The following GALK2 variants were observed in gnomAD, a reference collection of about 807,000 sequenced individuals.
The protein encoded by GALK2 is N-acetylgalactosamine kinase.
A neutral mutation model predicts 52.4 loss-of-function variants in GALK2; 36 were observed. That is an observed-to-expected ratio of 0.69 (90% CI 0.53 to 0.91). The LOEUF is 0.91. GALK2 is among the 40% of genes least tolerant of loss of function. The pLI is 0.00. For missense variants in GALK2, 579 were observed against 559.1 expected (o/e 1.04, Z -0.36); for synonymous variants, 176 against 199.1 (o/e 0.88, Z 0.98).
At chr15:49,315,620 A>G (rs887842906) in intron 8 of GALK2, among the ~76,000 whole-genome samples, 1 of 152,190 alleles carries the variant, frequency 6.6e-6, no homozygotes, top group Non-Finnish European at 1.5e-5. Flanking sequence ...TTATATCACA[A>G]TTGAAAACAG....
At chr15:49,267,100 G>A (rs1195002609) in intron 5 of GALK2, among the ~76,000 whole-genome samples, 1 of 152,170 alleles carries the variant, frequency 6.6e-6, no homozygotes, top group Non-Finnish European at 1.5e-5. Context: ...ACATGGCAAA[G>A]CAGGCTTTCT....
At chr15:49,290,103 T>C (rs1345137408) in intron 7 of GALK2, among the ~76,000 whole-genome samples, 1 of 152,248 alleles carries the variant, frequency 6.6e-6, no homozygotes, top group Non-Finnish European at 1.5e-5. Flanking sequence ...ATAGCCCTGC[T>C]TCACAAATGT....
chr15:49,357,934 T>C (rs1213564393), intron 3 of GALK2, among the ~76,000 whole-genome samples: 3 of 151,938 alleles, frequency 2.0e-5, no homozygotes, highest in Non-Finnish European at 2.9e-5. Flanking sequence ...TGGTTCAATA[T>C]ACACAAATCA....
intron 3 of GALK2, among the ~76,000 whole-genome samples, chr15:49,228,682 T>TATATATATATATATATATATAC (rs1555409030): frequency 2.1e-4 from 3 of 14,558 alleles, no homozygotes; most frequent in Admixed American, 6.4e-4. Context: ...TATATATATA[T>TATATATATATATATATATATAC]ATATATTTTT....
Position 49,329,431 on chromosome 15 carries a change from T to C in GALK2, c.*1272T>C, listed in dbSNP as rs1480258199. 1 of 983,114 alleles carries C rather than the reference T, an allele frequency of 1.0e-6. No individual in the cohort carries two copies. Among genetic ancestry groups the C allele is most frequent in the Non-Finnish European group, 1.2e-6 (1 of 827,928 alleles). 60.9% of individuals were successfully genotyped at this position (983,114 alleles called of 1,614,324 possible). On this transcript the variant is annotated 3_prime_UTR_variant, in exon 10 of 10. Coordinates refer to ENST00000560031, the MANE Select transcript of GALK2 (RefSeq NM_002044.4). ...TTATCCAAAAAAATATCAGAATTAC[T>C]TATTATTCTGTGATTTCATTAGCTC...
At chr15:49,319,529 A>AAC in intron 8 of GALK2, 75 bp from the exon 9 acceptor site, 1 of 1,226,182 alleles carries the variant, frequency 8.2e-7, no homozygotes, top group South Asian at 1.4e-5. Context: ...AAAGTCTTTA[A>AAC]AAGTGTATTT....
intron 7 of GALK2, among the ~76,000 whole-genome samples, chr15:49,287,637 T>A (rs2033506297): frequency 6.6e-6 from 1 of 152,198 alleles, no homozygotes; most frequent in Non-Finnish European, 1.5e-5. Context: ...AAAGCTTATC[T>A]CAATCTGACC....
rs2090632820 is a variant in GALK2, at chr15:49,233,701, G to A, written c.267-2150G>A. Among the ~76,000 whole-genome samples the A allele has an allele frequency of 2.6e-5, 4 of 152,202 alleles. No individual in the cohort carries two copies. In the South Asian group the frequency reaches 8.3e-4, roughly 31 times the overall value. On this transcript the variant is annotated intron_variant, in intron 3 of 9. Transcript: ENST00000560031. ...AGCAACATATTTTCAACTTCTGTGA[G>A]TGACAGTAGAGTAAAATTCTGATGA...
chr15:49,358,136 GA>G (rs2043506203), intron 3 of GALK2, among the ~76,000 whole-genome samples: 1 of 151,200 alleles, frequency 6.6e-6, no homozygotes, highest in Non-Finnish European at 1.5e-5. Context: ...ATATCATACT[GA>G]ATGGGCAAAA....
At chr15:49,242,801 G>A (rs1442018452) in intron 5 of GALK2, among the ~76,000 whole-genome samples, 1 of 152,126 alleles carries the variant, frequency 6.6e-6, no homozygotes, top group Non-Finnish European at 1.5e-5. Flanking sequence ...AAAATCTAGA[G>A]ACTTCTGATT....
At chr15:49,271,981 T>G (rs904100084) in intron 5 of GALK2, among the ~76,000 whole-genome samples, 5 of 152,226 alleles carry the variant, frequency 3.3e-5, no homozygotes, top group Non-Finnish European at 7.3e-5. Context: ...CTAGAACTTA[T>G]GGTCAACTTA....
At position 49,292,087 on chromosome 15, in the gene GALK2, C is replaced by CGTGT. The variant is rs367801724; in HGVS notation, c.757-227_757-224dup. ...GTGAGAGATTAGTTGTGTGTGTTTG[C>CGTGT]GTGTGTGTGTGTGTGTTTCAGGACA... On this transcript the variant is annotated intron_variant, in intron 7 of 9. Transcript: ENST00000560031. Among the ~76,000 whole-genome samples, 4 of 150,598 alleles carry CGTGT rather than the reference C, an allele frequency of 2.7e-5. No homozygotes were observed. In the East Asian group the frequency reaches 5.8e-4, roughly 22 times the overall value.
At chr15:49,254,157 A>G (rs1303443629) in intron 5 of GALK2, among the ~76,000 whole-genome samples, 2 of 144,252 alleles carry the variant, frequency 1.4e-5, no homozygotes, top group East Asian at 1.9e-4. Flanking sequence ...GAATTAGTGA[A>G]CTACCTTCAT....
intron 3 of GALK2, among the ~76,000 whole-genome samples, chr15:49,219,546 C>T (rs935320065): frequency 3.3e-5 from 5 of 152,084 alleles, no homozygotes; most frequent in African/African-American, 9.7e-5. Context: ...CGGTGGTTCA[C>T]GCCTGTAATC....
Position 49,266,002 on chromosome 15 carries a change from A to G in GALK2, c.505-15985A>G, listed in dbSNP as rs530780171. ...AATATAGTGGCTTAAGACTACCACC[A>G]CTTGGACTGGGTTCAGCTTGACAGT... On this transcript the variant is annotated intron_variant, in intron 5 of 9. Transcript: ENST00000560031. Among the ~76,000 whole-genome samples, 138 of 152,338 alleles carry G rather than the reference A, an allele frequency of 9.1e-4. 5 individuals are homozygous for G. In the South Asian group the frequency reaches 0.028, roughly 30 times the overall value.
At chr15:49,293,384 T>C (rs1310853647) in intron 8 of GALK2, among the ~76,000 whole-genome samples, 1 of 152,218 alleles carries the variant, frequency 6.6e-6, no homozygotes, top group Admixed American at 6.5e-5. Context: ...CCAATTTAAT[T>C]TGATGAAGCT....
rs1240721718 is a variant in GALK2, at chr15:49,248,489, A to C, written c.504+9122A>C. Among the ~76,000 whole-genome samples the C allele has an allele frequency of 2.6e-5, 4 of 152,202 alleles. No individual in the cohort carries two copies. The East Asian group carries it at 7.7e-4, about 29-fold the overall frequency. ...TACAAGCTTTGAAAAGAATCTCTTA[A>C]TTAGGTGTTGAACATGGACTGAAGC... On this transcript the variant is annotated intron_variant, in intron 5 of 9. Transcript: ENST00000560031.
At chr15:49,167,531 G>A (rs915328780), upstream of GALK2, among the ~76,000 whole-genome samples, 1 of 152,054 alleles carries the variant, frequency 6.6e-6, no homozygotes. Context: ...CTATATTTTT[G>A]TAGTTTTAGT....
At chr15:49,201,331 A>G (rs2087755648) in intron 2 of GALK2, 81 bp downstream of exon 2, 6 of 730,202 alleles carry the variant, frequency 8.2e-6, no homozygotes, top group Non-Finnish European at 1.3e-5. Context: ...TTTCTTTCTT[A>G]ATTTTTCCCA....
Sources: gnomAD v4.1 joint callset for allele counts (sites outside exome capture counted in the v4.1 genomes callset) on GRCh38, gnomAD v4.1.1 for gene constraint, MANE v1.5 for transcripts, NCBI Gene and HGNC (gene_info 2026-07-23, HGNC 2026-07-21) for gene names.